The following RYR3 variants were observed in gnomAD, a reference collection of about 807,000 sequenced individuals.
RYR3 encodes the protein ryanodine receptor 3.
Under a neutral mutation model 584.3 loss-of-function variants are expected in RYR3, and 207 were observed. The ratio of observed to expected loss-of-function variants is 0.35; its 90% CI spans 0.32 to 0.40. RYR3 has a LOEUF of 0.40. RYR3 is among the 10% of genes least tolerant of loss of function. The pLI is 1.00. For synonymous variants in RYR3, 2,416 were observed against 2,248.5 expected (o/e 1.07, Z -2.11); for missense variants, 5,616 against 6,089.2 (o/e 0.92, Z 2.59).
chr15:33,738,320 C>A, intron 49 of RYR3, 130 bp from the exon 50 acceptor site: 1 of 907,308 alleles, frequency 1.1e-6, no homozygotes, highest in Non-Finnish European at 1.6e-6. Flanking sequence ...TCTTTGTAGA[C>A]AGCCCAGCTG....
intron 1 of RYR3, among the ~76,000 whole-genome samples, chr15:33,324,376 G>C (rs1391869580): frequency 2.0e-5 from 3 of 152,186 alleles, no homozygotes; most frequent in African/African-American, 7.2e-5. Flanking sequence ...TAAGGATAAG[G>C]AGTAGGAGCA....
chr15:33,334,730 A>C (rs1277330261), intron 1 of RYR3, among the ~76,000 whole-genome samples: 1 of 152,228 alleles, frequency 6.6e-6, no homozygotes, highest in Non-Finnish European at 1.5e-5. Context: ...CTATCAACAG[A>C]GTAAACAGAC....
At chr15:33,857,383 C>G (rs2079800551) in intron 98 of RYR3, among the ~76,000 whole-genome samples, 1 of 151,198 alleles carries the variant, frequency 6.6e-6, no homozygotes, top group South Asian at 2.1e-4. Context: ...TCCTTTTCTT[C>G]TAAGGATGCC....
At position 33,603,286 on chromosome 15, in the gene RYR3, G is replaced by A. The variant is rs1370442159; in HGVS notation, c.2086G>A (p.Gly696Ser). 14 of 1,613,720 alleles carry A rather than the reference G, an allele frequency of 8.7e-6. No individual in the cohort carries two copies. The highest frequency in any genetic ancestry group is 1.3e-5 in the African/African-American group (1 of 74,916). ...SSSGYAPYPG[G>S]GEGWGGNGVG... ...TTCAGGCTATGCCCCATACCCAGGA[G>A]GTGGAGAAGGATGGGGAGGCAATGG... The change falls in exon 18 of 104, where the codon GGT (glycine) becomes AGT (serine). Residue 696 changes from glycine (G) to serine (S), a missense_variant. Transcript: ENST00000634891.
At chr15:33,853,751 A>C in intron 96 of RYR3, 69 bp downstream of exon 96, 1 of 1,556,376 alleles carries the variant, frequency 6.4e-7, no homozygotes, top group Non-Finnish European at 8.7e-7. Flanking sequence ...TCCATAGGAA[A>C]AAATCACAAC....
At chr15:33,388,378 G>T (rs2041770452) in intron 1 of RYR3, among the ~76,000 whole-genome samples, 2 of 152,176 alleles carry the variant, frequency 1.3e-5, no homozygotes, top group African/African-American at 4.8e-5. Flanking sequence ...ACCCAATAGA[G>T]TAAGGAAGGA....
Position 33,857,794 on chromosome 15 carries a change from C to A in RYR3, c.14022C>A (p.Val4674=). The change falls in exon 99 of 104, where the codon GTC becomes GTA. Residue 4674 remains valine (V), a synonymous_variant. Transcript: ENST00000634891. The part of the protein sequence containing the change: ...THNGKQLVLT[V]GLLAVVVYLY... The stretch of plus-strand genomic sequence containing the variant: ...CTCATTCCCAGTTGGTTCTGACTGT[C>A]GGTCTCCTGGCCGTGGTGGTTTATC... 3 of 1,614,052 alleles carry A rather than the reference C, an allele frequency of 1.9e-6. No homozygotes were observed. In the South Asian group the frequency reaches 3.3e-5, roughly 18 times the overall value.
intron 43 of RYR3, among the ~76,000 whole-genome samples, chr15:33,714,098 A>G (rs566380071): frequency 6.6e-6 from 1 of 152,148 alleles, no homozygotes; most frequent in African/African-American, 2.4e-5. Flanking sequence ...AAGTAAAGCC[A>G]GAAATTGAAT....
chr15:33,485,925 G>A (rs1227329115), intron 2 of RYR3, among the ~76,000 whole-genome samples: 1 of 152,210 alleles, frequency 6.6e-6, no homozygotes, highest in Non-Finnish European at 1.5e-5. Context: ...GAGTGAAAAT[G>A]TATAAAGGAT....
intron 5 of RYR3, among the ~76,000 whole-genome samples, chr15:33,536,272 A>G (rs2055323694): frequency 1.3e-5 from 2 of 152,320 alleles, no homozygotes; most frequent in South Asian, 2.1e-4. Flanking sequence ...TTCTTGAACA[A>G]TTCTAGCATT....
intron 93 of RYR3, among the ~76,000 whole-genome samples, chr15:33,845,798 T>C (rs1209483716): frequency 3.9e-5 from 6 of 152,252 alleles, no homozygotes. Context: ...CCACTCAAGA[T>C]CTCAGAAGAA....
intron 67 of RYR3, among the ~76,000 whole-genome samples, chr15:33,799,893 A>G (rs1457412115): frequency 1.3e-5 from 2 of 151,994 alleles, no homozygotes; most frequent in African/African-American, 4.8e-5. Flanking sequence ...AAAACCCCAC[A>G]TTTGATATCA....
intron 37 of RYR3, among the ~76,000 whole-genome samples, chr15:33,670,011 G>A (rs2152722703): frequency 6.6e-6 from 1 of 152,140 alleles, no homozygotes; most frequent in African/African-American, 2.4e-5. Context: ...ACATGGGTAG[G>A]TTTAATAATA....
intron 51 of RYR3, among the ~76,000 whole-genome samples, chr15:33,741,036 G>A (rs2070041137): frequency 6.6e-6 from 1 of 152,206 alleles, no homozygotes; most frequent in African/African-American, 2.4e-5. Context: ...GAAAGACAAA[G>A]CAAATGGCGT....
At chr15:33,339,609 G>A (rs939193740) in intron 1 of RYR3, among the ~76,000 whole-genome samples, 3 of 152,120 alleles carry the variant, frequency 2.0e-5, no homozygotes, top group Non-Finnish European at 4.4e-5. Context: ...GCCATTACCG[G>A]CCGGGCGCGG....
In RYR3 at chr15:33,669,339, T is replaced by C. The variant is rs1450286370; in HGVS notation, c.5620-15T>C. Reference sequence around the variant, plus strand: ...ATTGAGAACCAACTAGCTATTCTTCTCTTGCCTCTCAAAGATCAACATGCT... The same window carrying C: ...ATTGAGAACCAACTAGCTATTCTTCCCTTGCCTCTCAAAGATCAACATGCT... On this transcript the variant is annotated splice_polypyrimidine_tract_variant and intron_variant, in intron 36 of 103. Transcript: ENST00000634891. 1.2e-6 allele frequency: 2 copies of C among 1,611,358 alleles called. No homozygotes were observed. The highest frequency in any genetic ancestry group is 2.2e-5 in the East Asian group (1 of 44,856).
At chr15:33,767,931 C>T (rs2073239204) in intron 60 of RYR3, among the ~76,000 whole-genome samples, 1 of 152,180 alleles carries the variant, frequency 6.6e-6, no homozygotes. Context: ...ACAAGGCCCT[C>T]ATTAGGCACT....
At chr15:33,343,702 AAT>A (rs1394800614) in intron 1 of RYR3, among the ~76,000 whole-genome samples, 1 of 152,120 alleles carries the variant, frequency 6.6e-6, no homozygotes, top group African/African-American at 2.4e-5. Flanking sequence ...ATACTTTGCC[AAT>A]TATTCTTATT....
rs373753363 is a variant in RYR3, at chr15:33,551,341, C to T, written c.972+1025C>T. On this transcript the variant is annotated intron_variant, in intron 10 of 103. Coordinates refer to ENST00000634891, the MANE Select transcript of RYR3 (RefSeq NM_001036.6). Reference sequence around the variant, plus strand: ...ATCTTGATATGTGTTCTCACCATGACTTCACTCAAGGGTTGTTGAGGATTC... The same window carrying T: ...ATCTTGATATGTGTTCTCACCATGATTTCACTCAAGGGTTGTTGAGGATTC... Among the ~76,000 whole-genome samples the T allele has an allele frequency of 3.9e-3, 593 of 152,328 alleles. 5 individuals are homozygous for T. Among genetic ancestry groups the T allele is most frequent in the African/African-American group, 0.014 (564 of 41,574 alleles).
Sources: allele counts gnomAD v4.1 joint callset (sites outside exome capture counted in the v4.1 genomes callset), GRCh38; gene constraint gnomAD v4.1.1; transcripts MANE v1.5; gene names NCBI Gene and HGNC (gene_info 2026-07-23, HGNC 2026-07-21).